AMPH: variants seen among roughly 807,000 people sequenced by gnomAD.
AMPH encodes amphiphysin (Stiff-Mann syndrome with breast cancer 128kD autoantigen).
Under a neutral mutation model 99.1 loss-of-function variants are expected in AMPH, and 49 were observed. That is an observed-to-expected ratio of 0.49 (90% confidence interval 0.39 to 0.63). The LOEUF (loss-of-function observed/expected upper bound fraction) is 0.63, where lower values mean the gene tolerates loss of function less well. Among genes scored for constraint, AMPH ranks in the 20% least tolerant of loss-of-function variants. The probability of loss-of-function intolerance (pLI) is 0.00; values close to 1 mark genes in which losing one functional copy is unlikely to be tolerated. For synonymous variants in AMPH, 314 were observed against 317.3 expected (o/e 0.99, Z 0.11); for missense variants, 759 against 863.4 (o/e 0.88, Z 1.52).
intron 5 of AMPH, among the ~76,000 whole-genome samples, 175 bp from the exon 6 acceptor site, chr7:38,477,144 C>A (rs1224230550): frequency 6.6e-6 from 1 of 151,976 alleles, no homozygotes; most frequent in Non-Finnish European, 1.5e-5. Flanking sequence ...TGAACACCTC[C>A]AATCCTTTGT....
chr7:38,441,615 T>C (rs2128998252), intron 11 of AMPH, among the ~76,000 whole-genome samples: 1 of 151,880 alleles, frequency 6.6e-6, no homozygotes, highest in Middle Eastern at 3.4e-3. Flanking sequence ...AAGTTCCCAG[T>C]ATAACTCTAT....
chr7:38,605,314 C>T (rs12539569), intron 1 of AMPH, among the ~76,000 whole-genome samples: 5,623 of 152,186 alleles, frequency 0.037, 173 homozygotes, highest in Admixed American at 0.079. Context: ...TGCCATGACA[C>T]ATGAAATGAT....
Position 38,466,210 on chromosome 7 carries a change from G to C in AMPH, c.629C>G (p.Ser210Cys). Residue 210 changes from serine (S) to cysteine (C), a missense_variant, in exon 8 of 21, where the codon TCC becomes TGC. Physicochemically the swap from Ser to Cys is moderately radical, Grantham distance 112. Coordinates refer to ENST00000356264, the MANE Select transcript of AMPH (RefSeq NM_001635.4). ...CTTATGAAACTTGGCTTCAAGGCTGGAGACGTTTTTGAAAGTATTAACATA... is the reference window on the plus strand; with the variant it reads ...CTTATGAAACTTGGCTTCAAGGCTGCAGACGTTTTTGAAAGTATTAACATA... The part of the protein sequence containing the change: ...GFYVNTFKNV[S>C]SLEAKFHKEI... 1.9e-6 allele frequency: 3 copies of C among 1,594,772 alleles called. No homozygotes were observed. The highest frequency in any genetic ancestry group is 2.6e-6 in the Non-Finnish European group (3 of 1,174,560).
intron 2 of AMPH, among the ~76,000 whole-genome samples, chr7:38,519,182 C>T (rs1425304833): frequency 1.3e-5 from 2 of 152,232 alleles, no homozygotes; most frequent in Non-Finnish European, 2.9e-5. Flanking sequence ...GCCTCCAGAA[C>T]TGTGAGAAAT....
intron 17 of AMPH, among the ~76,000 whole-genome samples, chr7:38,398,614 C>A (rs1365106819): frequency 1.3e-5 from 2 of 152,050 alleles, no homozygotes; most frequent in Non-Finnish European, 2.9e-5. Context: ...TAAATAAGAC[C>A]TAGTATTTCA....
intron 11 of AMPH, among the ~76,000 whole-genome samples, chr7:38,457,783 A>C (rs1037017183): frequency 6.6e-6 from 1 of 152,236 alleles, no homozygotes; most frequent in African/African-American, 2.4e-5. Context: ...GGCAAAAATA[A>C]AAGACAGAAT....
In AMPH at chr7:38,631,270, G is replaced by T; in HGVS notation, c.69+13C>A. ...GGCGTCCCCGGCCCCAGCCCCGGCC[G>T]CCCGCCGCTGACCTTTTCCTGCGCG... is the stretch of plus-strand genomic sequence containing the variant. On this transcript the variant is annotated intron_variant, in intron 1 of 20. Transcript: ENST00000356264. The T allele has an allele frequency of 2.6e-6, 4 of 1,514,462 alleles. No individual in the cohort carries two copies. In the East Asian group the frequency reaches 1.1e-4, roughly 42 times the overall value. 93.8% of individuals were successfully genotyped at this position (1,514,462 alleles called of 1,614,324 possible). A position where few individuals can be genotyped will look rare whatever the true frequency, so the allele number is the denominator to read the frequency against.
intron 11 of AMPH, among the ~76,000 whole-genome samples, chr7:38,442,525 G>T (rs1786594269): frequency 6.6e-6 from 1 of 152,080 alleles, no homozygotes; most frequent in African/African-American, 2.4e-5. Flanking sequence ...TTAACAGAAT[G>T]GTCTCTAGAA....
intron 3 of AMPH, among the ~76,000 whole-genome samples, chr7:38,499,555 A>G (rs1015537655): frequency 6.6e-6 from 1 of 152,194 alleles, no homozygotes; most frequent in Admixed American, 6.5e-5. Context: ...CAATTGCCCC[A>G]GGACCCATGA....
At chr7:38,480,134 T>C (rs1788234229) in intron 5 of AMPH, among the ~76,000 whole-genome samples, 1 of 152,158 alleles carries the variant, frequency 6.6e-6, no homozygotes, top group Non-Finnish European at 1.5e-5. Flanking sequence ...TCTAGCAACC[T>C]ACAGAATGAG....
chr7:38,476,541 C>CA (rs1788091202), intron 6 of AMPH, among the ~76,000 whole-genome samples: 1 of 152,142 alleles, frequency 6.6e-6, no homozygotes, highest in African/African-American at 2.4e-5. Context: ...CTTGGTGTCC[C>CA]ATCTGCATCT....
intron 17 of AMPH, among the ~76,000 whole-genome samples, chr7:38,400,660 T>C (rs1008746159): frequency 3.9e-5 from 6 of 152,216 alleles, no homozygotes; most frequent in Admixed American, 1.3e-4. Flanking sequence ...AGAGTAGTGA[T>C]AGGCTCAAGA....
intron 3 of AMPH, among the ~76,000 whole-genome samples, chr7:38,498,298 A>G (rs6956760): frequency 0.18 from 27,810 of 152,100 alleles, 2,767 homozygotes; most frequent in Middle Eastern, 0.28. Context: ...AGATAACCTA[A>G]TCCACATAAC....
At chr7:38,441,828 T>TC (rs59150076) in intron 11 of AMPH, among the ~76,000 whole-genome samples, 1 of 102,986 alleles carries the variant, frequency 9.7e-6, no homozygotes, top group African/African-American at 3.9e-5. Context: ...TCATATATCA[T>TC]ATATATCATA....
intron 1 of AMPH, among the ~76,000 whole-genome samples, chr7:38,600,961 C>T (rs754894104): frequency 2.6e-4 from 39 of 152,250 alleles, no homozygotes; most frequent in Admixed American, 9.2e-4. Flanking sequence ...GGAAACTGTA[C>T]TCAAAAGACG....
intron 7 of AMPH, among the ~76,000 whole-genome samples, chr7:38,468,872 C>CACA (rs1584132115): frequency 1.5e-5 from 2 of 136,204 alleles, no homozygotes; most frequent in African/African-American, 2.8e-5. Context: ...AACATACAGA[C>CACA]GGCCGGGCGC....
intron 1 of AMPH, among the ~76,000 whole-genome samples, chr7:38,548,887 C>T (rs1296536282): frequency 1.4e-5 from 2 of 140,902 alleles, no homozygotes; most frequent in African/African-American, 2.5e-5. Flanking sequence ...GAGTTGTCTA[C>T]GTGGCCAGTG....
intron 11 of AMPH, among the ~76,000 whole-genome samples, chr7:38,449,242 C>T (rs1049230220): frequency 1.3e-5 from 2 of 152,240 alleles, no homozygotes; most frequent in South Asian, 2.1e-4. Flanking sequence ...AGAGTGATAT[C>T]GATTTGTTCA....
intron 1 of AMPH, among the ~76,000 whole-genome samples, chr7:38,577,857 G>A (rs1792304712): frequency 6.6e-6 from 1 of 152,126 alleles, no homozygotes. Flanking sequence ...GAACATAAAA[G>A]AGGAAAGGAG....
Sources: gnomAD v4.1 joint callset for allele counts (sites outside exome capture counted in the v4.1 genomes callset) on GRCh38, gnomAD v4.1.1 for gene constraint, MANE v1.5 for transcripts, NCBI Gene and HGNC (gene_info 2026-07-23, HGNC 2026-07-21) for gene names.